Variants in DOCK2 observed in about 807,000 individuals in gnomAD.
DOCK2 encodes dedicator of cytokinesis 2, also known as dedicator of cytokinesis protein 2.
DOCK2 carries 87 observed loss-of-function variants against 248.9 expected under a neutral mutation model. The observed-to-expected ratio is 0.35, with a 90% CI of 0.29 to 0.42. The LOEUF is 0.42. Ranked by LOEUF, DOCK2 falls within the 10% of genes least tolerant of loss-of-function variation. DOCK2 has a pLI of 1.00. For missense variants in DOCK2, 1,747 were observed against 2,300.2 expected, an observed-to-expected ratio of 0.76 and a Z score of 4.92; for synonymous variants, 805 against 821.6, an observed-to-expected ratio of 0.98 and a Z score of 0.35.
chr5:169,772,352 A>C (rs1397055341), intron 25 of DOCK2, among the ~76,000 whole-genome samples: 1 of 152,226 alleles, frequency 6.6e-6, no homozygotes, highest in Non-Finnish European at 1.5e-5. Context: ...TATGGTAAGA[A>C]ATTGCTTGGG....
chr5:169,972,590 A>AGATAGATAGAT (rs1561859836), intron 27 of DOCK2, among the ~76,000 whole-genome samples: 5 of 116,298 alleles, frequency 4.3e-5, no homozygotes, highest in Admixed American at 8.2e-5. Context: ...GATAGATGAT[A>AGATAGATAGAT]GATAGATAGA....
intron 26 of DOCK2, among the ~76,000 whole-genome samples, chr5:169,810,954 T>TAC (rs1026951095): frequency 8.1e-5 from 12 of 148,116 alleles, no homozygotes; most frequent in South Asian, 2.1e-4. Flanking sequence ...CATGTATGTT[T>TAC]ACACACACAC....
At chr5:170,073,967 T>C (rs1436950577) in intron 46 of DOCK2, among the ~76,000 whole-genome samples, 1 of 152,172 alleles carries the variant, frequency 6.6e-6, no homozygotes, top group Non-Finnish European at 1.5e-5. Flanking sequence ...ATTATTTTCA[T>C]TCCTTTTCTC....
intron 22 of DOCK2, among the ~76,000 whole-genome samples, chr5:169,730,400 A>T (rs567314725): frequency 3.8e-4 from 58 of 152,256 alleles, no homozygotes; most frequent in African/African-American, 1.3e-3. Flanking sequence ...GTGCTGGGGG[A>T]TGTAAGGTGA....
chr5:169,997,891 C>CAACT, intron 30 of DOCK2: 1 of 455,634 alleles, frequency 2.2e-6, no homozygotes, highest in Non-Finnish European at 4.4e-6. Flanking sequence ...AGAAGCTGAG[C>CAACT]AACTTCAGGC....
At chr5:169,904,651 G>A (rs968795771) in intron 27 of DOCK2, among the ~76,000 whole-genome samples, 12 of 152,194 alleles carry the variant, frequency 7.9e-5, no homozygotes, top group Non-Finnish European at 1.5e-4. Context: ...GGGCCCCGCA[G>A]TCCTTTAAGA....
intron 1 of DOCK2, among the ~76,000 whole-genome samples, chr5:169,649,021 A>T (rs576343742): frequency 6.6e-6 from 1 of 152,286 alleles, no homozygotes; most frequent in South Asian, 2.1e-4. Context: ...CTCAGTGCGG[A>T]GGCTGTCAAC....
At chr5:169,751,473 G>T (rs1763890943) in intron 23 of DOCK2, among the ~76,000 whole-genome samples, 1 of 152,196 alleles carries the variant, frequency 6.6e-6, no homozygotes, top group South Asian at 2.1e-4. Flanking sequence ...TGGGTGCAGA[G>T]GATATGAATG....
chr5:170,012,722 G>C (rs1455706248), intron 32 of DOCK2, among the ~76,000 whole-genome samples: 5 of 152,346 alleles, frequency 3.3e-5, no homozygotes, highest in Middle Eastern at 3.4e-3. Flanking sequence ...TTTCCCAGTA[G>C]TATAGCATCG....
intron 30 of DOCK2, among the ~76,000 whole-genome samples, chr5:170,003,472 G>A (rs1382574762): frequency 1.3e-5 from 2 of 152,270 alleles, no homozygotes; most frequent in Non-Finnish European, 1.5e-5. Context: ...CACAATAAGT[G>A]CTCCTCAAAT....
chr5:169,924,939 T>C (rs965244767), intron 27 of DOCK2, among the ~76,000 whole-genome samples: 2 of 152,184 alleles, frequency 1.3e-5, no homozygotes, highest in Non-Finnish European at 1.5e-5. Flanking sequence ...CCAGGCACAA[T>C]TGCTTCTCCC....
chr5:169,955,355 G>A (rs1483383641), intron 27 of DOCK2, among the ~76,000 whole-genome samples: 2 of 152,124 alleles, frequency 1.3e-5, no homozygotes, highest in Non-Finnish European at 2.9e-5. Flanking sequence ...AGCACCTACT[G>A]TGTAGCTGGC....
chr5:169,758,061 G>T (rs1009231327), intron 23 of DOCK2, among the ~76,000 whole-genome samples: 10 of 143,616 alleles, frequency 7.0e-5, no homozygotes, highest in African/African-American at 2.8e-4. Context: ...TATACAAACA[G>T]TATTTTTTTT....
chr5:169,756,912 T>G (rs1764225195), intron 23 of DOCK2, among the ~76,000 whole-genome samples: 2 of 140,290 alleles, frequency 1.4e-5, no homozygotes, highest in Admixed American at 7.5e-5. Context: ...GCAACAAGAG[T>G]GAAACTCTGT....
intron 27 of DOCK2, among the ~76,000 whole-genome samples, chr5:169,843,328 C>T (rs1486300585): frequency 1.3e-5 from 2 of 151,944 alleles, no homozygotes; most frequent in Admixed American, 6.6e-5. Flanking sequence ...AGCAGTTTTT[C>T]CTGGCTAACA....
At chr5:169,821,742 T>C (rs1281591742) in intron 26 of DOCK2, among the ~76,000 whole-genome samples, 10 of 152,196 alleles carry the variant, frequency 6.6e-5, no homozygotes, top group Non-Finnish European at 5.9e-5. Flanking sequence ...AACATCATAA[T>C]GACAGGATTA....
At chr5:170,009,065 G>A (rs569520961) in intron 32 of DOCK2, among the ~76,000 whole-genome samples, 4 of 151,924 alleles carry the variant, frequency 2.6e-5, no homozygotes, top group East Asian at 1.9e-4. Flanking sequence ...CACATGACAC[G>A]GATGCTTGCT....
At chr5:169,913,447 G>T (rs1263400871) in intron 27 of DOCK2, among the ~76,000 whole-genome samples, 1 of 152,180 alleles carries the variant, frequency 6.6e-6, no homozygotes, top group Admixed American at 6.5e-5. Context: ...CATTGCCAAG[G>T]AAACTCCCTG....
chr5:169,822,483 T>A (rs1217481708), intron 26 of DOCK2, among the ~76,000 whole-genome samples: 1 of 152,196 alleles, frequency 6.6e-6, no homozygotes, highest in African/African-American at 2.4e-5. Context: ...ACCGCTCAAC[T>A]GCATGGAAAC....
Sources: allele counts gnomAD v4.1 joint callset (sites outside exome capture counted in the v4.1 genomes callset), GRCh38; gene constraint gnomAD v4.1.1; transcripts MANE v1.5; gene names NCBI Gene and HGNC (gene_info 2026-07-23, HGNC 2026-07-21).